Variants in ACSL4 observed in about 807,000 individuals in gnomAD.
ACSL4 encodes the protein long-chain-fatty-acid--CoA ligase 4.
Under a neutral mutation model 49.1 loss-of-function variants are expected in ACSL4, and 9 were observed. That is an observed-to-expected ratio of 0.18 (90% CI 0.11 to 0.32). The LOEUF is 0.32. Ranked by LOEUF, ACSL4 falls within the 10% of genes least tolerant of loss-of-function variation. The pLI is 1.00. For missense variants in ACSL4, 333 were observed against 493.7 expected (o/e 0.67, Z 3.08); for synonymous variants, 191 against 170.3 (o/e 1.12, Z -0.95).
intron 1 of ACSL4, among the ~76,000 whole-genome samples, chrX:109,707,128 A>T (rs891979993): frequency 2.7e-5 from 3 of 112,188 alleles, no homozygotes; most frequent in Non-Finnish European, 5.6e-5. Context: ...ATAGACCCTT[A>T]GAGTTAAAAT....
chrX:109,644,686 C>T (rs1350916770), intron 15 of ACSL4, among the ~76,000 whole-genome samples: 1 of 112,416 alleles, frequency 8.9e-6, no homozygotes, highest in African/African-American at 3.2e-5. Flanking sequence ...GCCAAGATGG[C>T]CAAATACGAA....
chrX:109,700,707 G>A (rs1281368791), intron 1 of ACSL4, among the ~76,000 whole-genome samples: 1 of 111,102 alleles, frequency 9.0e-6, no homozygotes, highest in Admixed American at 9.6e-5. Flanking sequence ...AACTAGATAT[G>A]TTGCTTCATG....
chrX:109,718,559 T>C (rs992125726), intron 1 of ACSL4, among the ~76,000 whole-genome samples: 3 of 111,676 alleles, frequency 2.7e-5, no homozygotes, highest in African/African-American at 9.8e-5. Flanking sequence ...GTTGGAGACC[T>C]GCCTGAGCAA....
chrX:109,733,050 G>A lies in ACSL4; in HGVS notation c.-66+89C>T, dbSNP rs1207202476. On this transcript the variant is annotated intron_variant, in intron 1 of 15. Transcript: ENST00000672401. ...CCCAACCTCCTCCCGGCTCAGGTGA[G>A]GTACGCCAGTCCCCCTCTGGAAATG... 1.2e-5 allele frequency: 4 copies of A among 330,154 alleles called. No homozygotes were observed. In the East Asian group the frequency reaches 4.0e-4, roughly 33 times the overall value. The allele number at this position is 330,154 out of a possible 1,213,427, so 27.2% of individuals were successfully genotyped here. A position where few individuals can be genotyped will look rare whatever the true frequency, so the allele number is the denominator to read the frequency against.
At chrX:109,703,596 T>C (rs1470688903) in intron 1 of ACSL4, among the ~76,000 whole-genome samples, 1 of 112,227 alleles carries the variant, frequency 8.9e-6, no homozygotes, top group Non-Finnish European at 1.9e-5. Context: ...AAAAACACTG[T>C]CTTAATTTTT....
chrX:109,654,942 G>C lies in ACSL4; in HGVS notation c.1855+4412C>G, dbSNP rs753390984. On this transcript the variant is annotated intron_variant, in intron 15 of 15. Transcript: ENST00000672401. ...GGCTGAAAAGAGAAGGATTCAGTGA[G>C]GGTGAGACCCACTGCTCTCCCATCC... Among the ~76,000 whole-genome samples the C allele has an allele frequency of 1.2e-3, 129 of 111,738 alleles. 4 individuals are homozygous for C. Among genetic ancestry groups the C allele is most frequent in the Non-Finnish European group, 1.1e-3 (58 of 53,156 alleles).
rs2147344813 is a variant in ACSL4 at position 109,644,130 on chromosome X, T to C, written c.1912A>G (p.Thr638Ala). Residue 638 changes from threonine to alanine, a missense_variant, in exon 16 of 16, where the codon ACC (threonine) becomes GCC (alanine). Around this residue, in one of 3 missense-constraint regions of ACSL4, gnomAD observed 175 missense variants for 275.8 expected, o/e 0.63. Transcript: ENST00000672401. ...IKVRLSPEPW[T>A]PETGLVTDAF... ...TCAGTTACCAAACCAGTTTCAGGGGTCCATGGCTCTGGGCTTAATCGAACC... is the reference window on the plus strand; with the variant it reads ...TCAGTTACCAAACCAGTTTCAGGGGCCCATGGCTCTGGGCTTAATCGAACC... 8.3e-7 allele frequency: 1 copy of C among 1,207,825 alleles called. No individual in the cohort carries two copies. Among genetic ancestry groups the C allele is most frequent in the Admixed American group, 2.2e-5 (1 of 45,523 alleles).
At chrX:109,667,430 TAAC>T (rs1922756663) in intron 11 of ACSL4, among the ~76,000 whole-genome samples, 1 of 111,873 alleles carries the variant, frequency 8.9e-6, no homozygotes, top group Admixed American at 9.4e-5. Context: ...CTGTTGAAAA[TAAC>T]AAAAGGGAAA....
intron 15 of ACSL4, among the ~76,000 whole-genome samples, chrX:109,657,816 T>C (rs181630808): frequency 5.0e-4 from 56 of 111,851 alleles, no homozygotes; most frequent in African/African-American, 1.8e-3. Flanking sequence ...ATGGTCGAAC[T>C]AGTTTACAGT....
intron 15 of ACSL4, among the ~76,000 whole-genome samples, chrX:109,644,759 T>C (rs1243624441): frequency 8.9e-6 from 1 of 112,762 alleles, no homozygotes; most frequent in East Asian, 2.8e-4. Flanking sequence ...TGCATTTCCA[T>C]CTGAGGTACC....
intron 1 of ACSL4, among the ~76,000 whole-genome samples, chrX:109,705,642 T>C (rs1926295451): frequency 8.9e-6 from 1 of 112,683 alleles, no homozygotes. Flanking sequence ...AAATAGAAGC[T>C]ATTAAAACAC....
chrX:109,653,922 T>C (rs980118825), intron 15 of ACSL4, among the ~76,000 whole-genome samples: 1 of 109,038 alleles, frequency 9.2e-6, no homozygotes, highest in Non-Finnish European at 1.9e-5. Flanking sequence ...AACCTGCACA[T>C]TGTGCACATG....
At chrX:109,728,423 T>C (rs1928173033) in intron 1 of ACSL4, among the ~76,000 whole-genome samples, 1 of 112,714 alleles carries the variant, frequency 8.9e-6, no homozygotes, top group African/African-American at 3.2e-5. Flanking sequence ...TGGAAAATGA[T>C]ACAGTTTTGC....
rs1323008707 is a variant in ACSL4, at chrX:109,673,211, G to T, written c.1002+1191C>A. Among the ~76,000 whole-genome samples the T allele has an allele frequency of 2.7e-5, 3 of 111,814 alleles. No individual in the cohort carries two copies. The Admixed American group carries it at 2.8e-4, about 11-fold the overall frequency. On this transcript the variant is annotated intron_variant, in intron 9 of 15. Transcript: ENST00000672401. ...GCTAGGGAATTCTGAATGTGAAACA[G>T]TCCTAAATAGACAGCCATAGTGGTT...
intron 1 of ACSL4, among the ~76,000 whole-genome samples, chrX:109,711,233 T>C (rs976178806): frequency 8.9e-6 from 1 of 112,401 alleles, no homozygotes; most frequent in African/African-American, 3.2e-5. Flanking sequence ...AATAAAAGAC[T>C]AAAGCAAACC....
At chrX:109,724,733 G>A (rs911732104) in intron 1 of ACSL4, among the ~76,000 whole-genome samples, 8 of 108,827 alleles carry the variant, frequency 7.4e-5, no homozygotes, top group African/African-American at 1.7e-4. Flanking sequence ...CCAACATGGC[G>A]AAACCTCATC....
At chrX:109,656,052 T>C (rs1264669238) in intron 15 of ACSL4, among the ~76,000 whole-genome samples, 2 of 110,583 alleles carry the variant, frequency 1.8e-5, no homozygotes, top group Non-Finnish European at 3.8e-5. Flanking sequence ...GAGACAGATA[T>C]GAGATCCAGG....
intron 1 of ACSL4, among the ~76,000 whole-genome samples, chrX:109,730,993 G>A (rs767678715): frequency 8.1e-5 from 9 of 111,547 alleles, no homozygotes; most frequent in Non-Finnish European, 1.5e-4. Context: ...TAAAAGCCAT[G>A]GACATTTAAA....
At chrX:109,673,817 A>T (rs1339351508) in intron 9 of ACSL4, among the ~76,000 whole-genome samples, 1 of 112,403 alleles carries the variant, frequency 8.9e-6, no homozygotes, top group Non-Finnish European at 1.9e-5. Flanking sequence ...TGATTACACA[A>T]ATCTGAAACA....
Sources: gnomAD v4.1 joint callset for allele counts (sites outside exome capture counted in the v4.1 genomes callset) on GRCh38, gnomAD v4.1.1 for gene constraint, gnomAD v4.1.1 regional missense constraint, MANE v1.5 for transcripts, NCBI Gene and HGNC (gene_info 2026-07-23, HGNC 2026-07-21) for gene names.